Variants in ADGRL4 observed in about 807,000 individuals in gnomAD.
ADGRL4 encodes the protein adhesion G protein-coupled receptor L4.
In ADGRL4, 90 loss-of-function variants were observed where a neutral mutation model predicts 74.8. The observed-to-expected ratio is 1.20, with a 90% CI of 1.02 to 1.43. The LOEUF is 1.43. Ranked by LOEUF, ADGRL4 falls within the 40% of genes most tolerant of loss-of-function variation. ADGRL4 has a pLI of 0.00. For synonymous variants in ADGRL4, 311 were observed against 279.2 expected, an observed-to-expected ratio of 1.11 and a Z score of -1.14; for missense variants, 881 against 814.3, an observed-to-expected ratio of 1.08 and a Z score of -1.00.
At position 79,006,727 on chromosome 1, in the gene ADGRL4, C is replaced by A. The variant is rs947401873; in HGVS notation, c.-73G>T. On this transcript the variant is annotated 5_prime_UTR_variant, in exon 1 of 15. Transcript: ENST00000370742. Reference sequence around the variant, plus strand: ...GTGCGGCTGTGGACCCGGGACCGGGCGCCGCTGGGCGGGCGCGGCAGGGTC... The same window carrying A: ...GTGCGGCTGTGGACCCGGGACCGGGAGCCGCTGGGCGGGCGCGGCAGGGTC... 10 of 1,388,002 alleles carry A rather than the reference C, an allele frequency of 7.2e-6. No homozygotes were observed. The highest frequency in any genetic ancestry group is 8.4e-6 in the Non-Finnish European group (9 of 1,068,986). The allele number at this position is 1,388,002 out of a possible 1,614,324, so 86.0% of individuals were successfully genotyped here.
At chr1:78,945,177 A>AAATATATAT (rs376405445) in intron 3 of ADGRL4, among the ~76,000 whole-genome samples, 3 of 127,936 alleles carry the variant, frequency 2.3e-5, no homozygotes, top group Non-Finnish European at 3.2e-5. Context: ...AAAAAAAAAA[A>AAATATATAT]ATATATATAT....
chr1:78,896,689 A>G (rs1648407151), intron 12 of ADGRL4, among the ~76,000 whole-genome samples: 1 of 152,000 alleles, frequency 6.6e-6, no homozygotes, highest in Non-Finnish European at 1.5e-5. Context: ...CCTATAATCT[A>G]TCTCATAATA....
chr1:78,947,501 C>G (rs1037766003), intron 2 of ADGRL4, among the ~76,000 whole-genome samples: 2 of 152,138 alleles, frequency 1.3e-5, no homozygotes, highest in African/African-American at 4.8e-5. Flanking sequence ...GTTTTTGAAG[C>G]AGCATGGTTC....
At chr1:78,910,377 T>C (rs369117395) in intron 12 of ADGRL4, among the ~76,000 whole-genome samples, 15 of 151,834 alleles carry the variant, frequency 9.9e-5, no homozygotes, top group African/African-American at 3.6e-4. Context: ...AGTGGAGTTC[T>C]GGTCAGATTT....
intron 2 of ADGRL4, among the ~76,000 whole-genome samples, chr1:78,991,843 G>T (rs1025121602): frequency 1.3e-5 from 2 of 151,936 alleles, no homozygotes; most frequent in Admixed American, 6.6e-5. Flanking sequence ...TAACTTGCTA[G>T]TACGGTGTGA....
chr1:78,944,014 G>A (rs1167255702), intron 3 of ADGRL4, among the ~76,000 whole-genome samples: 2 of 152,088 alleles, frequency 1.3e-5, no homozygotes, highest in African/African-American at 4.8e-5. Context: ...TCAAGAGAAA[G>A]AGTCTTCAAT....
intron 12 of ADGRL4, among the ~76,000 whole-genome samples, chr1:78,912,908 G>T (rs1324031485): frequency 1.3e-5 from 2 of 151,680 alleles, no homozygotes; most frequent in East Asian, 3.9e-4. Flanking sequence ...TCTAATTCCA[G>T]AACTATAAGG....
chr1:78,964,293 G>C (rs1650012772), intron 2 of ADGRL4, among the ~76,000 whole-genome samples: 1 of 152,186 alleles, frequency 6.6e-6, no homozygotes, highest in South Asian at 2.1e-4. Flanking sequence ...TTCTAGCTCA[G>C]AGTATGCAGT....
intron 8 of ADGRL4, 150 bp downstream of exon 8, chr1:78,926,736 A>T (rs1649121721): frequency 3.5e-6 from 2 of 573,342 alleles, no homozygotes; most frequent in Non-Finnish European, 6.0e-6. Flanking sequence ...AATATTTTAT[A>T]CAAAAATTAG....
Position 78,969,336 on chromosome 1 carries a change from C to A in ADGRL4, c.173-22910G>T, listed in dbSNP as rs116553236. Among the ~76,000 whole-genome samples, 430 of 152,258 alleles carry A rather than the reference C, an allele frequency of 2.8e-3. 2 individuals carry two copies. The highest frequency in any genetic ancestry group is 9.7e-3 in the African/African-American group (405 of 41,546). On this transcript the variant is annotated intron_variant, in intron 2 of 14. Transcript: ENST00000370742. ...GAAGGGTATGTTTCCTTTTAAGAGG[C>A]CAAGTTCAACTTGCAGAGCTGATAA...
intron 2 of ADGRL4, among the ~76,000 whole-genome samples, chr1:78,949,289 G>A (rs1413045158): frequency 1.3e-5 from 2 of 152,048 alleles, no homozygotes. Context: ...ATTGTTACTA[G>A]TCTTGGGTAA....
chr1:78,974,307 T>C (rs1650235715), intron 2 of ADGRL4, among the ~76,000 whole-genome samples: 1 of 152,176 alleles, frequency 6.6e-6, no homozygotes, highest in Non-Finnish European at 1.5e-5. Context: ...AATAGTACTA[T>C]GGTCTATCTT....
At chr1:78,909,677 G>C (rs1260750796) in intron 12 of ADGRL4, among the ~76,000 whole-genome samples, 2 of 151,812 alleles carry the variant, frequency 1.3e-5, no homozygotes, top group Non-Finnish European at 2.9e-5. Context: ...AGAAGTGTCA[G>C]AAAGAGAACA....
At chr1:78,989,264 A>G (rs1211385458) in intron 2 of ADGRL4, among the ~76,000 whole-genome samples, 1 of 151,702 alleles carries the variant, frequency 6.6e-6, no homozygotes, top group Non-Finnish European at 1.5e-5. Flanking sequence ...CATGCTTTCA[A>G]TGCTAACCAT....
At chr1:78,945,177 A>AAAAAAATATAT (rs376405445) in intron 3 of ADGRL4, among the ~76,000 whole-genome samples, 5 of 127,934 alleles carry the variant, frequency 3.9e-5, no homozygotes, top group African/African-American at 1.5e-4. Context: ...AAAAAAAAAA[A>AAAAAAATATAT]ATATATATAT....
At chr1:78,920,738 A>G (rs2100672245) in intron 9 of ADGRL4, among the ~76,000 whole-genome samples, 1 of 152,012 alleles carries the variant, frequency 6.6e-6, no homozygotes, top group South Asian at 2.1e-4. Context: ...ATTAAAACAG[A>G]TTTATCAGTG....
chr1:78,906,385 A>G (rs1648635746), intron 12 of ADGRL4, among the ~76,000 whole-genome samples: 1 of 151,978 alleles, frequency 6.6e-6, no homozygotes, highest in Non-Finnish European at 1.5e-5. Context: ...ATAATTTACT[A>G]GTCTCAAAAA....
chr1:78,921,930 G>A (rs1407216505), intron 8 of ADGRL4, 144 bp from the exon 9 acceptor site: 1 of 431,802 alleles, frequency 2.3e-6, no homozygotes, highest in Non-Finnish European at 4.0e-6. Flanking sequence ...AGGCTGCTAT[G>A]TGGCAGAATG....
Position 79,006,670 on chromosome 1 carries a change from T to TGGTGGC in ADGRL4, c.-22_-17dup, listed in dbSNP as rs1650969721. 21 of 1,491,606 alleles carry TGGTGGC rather than the reference T, an allele frequency of 1.4e-5. 1 individual carries two copies. The highest frequency in any genetic ancestry group is 1.8e-5 in the Non-Finnish European group (20 of 1,122,526). The allele number at this position is 1,491,606 out of a possible 1,614,324, so 92.4% of individuals were successfully genotyped here. ...GGCGTTTCATTGGCGGTGGCCGCAG[T>TGGTGGC]GGTGGCGGTGGCGGAGAGCGCGGCG... is the stretch of plus-strand genomic sequence containing the variant. On this transcript the variant is annotated 5_prime_UTR_variant, in exon 1 of 15. Coordinates refer to ENST00000370742, the MANE Select transcript of ADGRL4 (RefSeq NM_022159.4).
Sources: allele counts gnomAD v4.1 joint callset (sites outside exome capture counted in the v4.1 genomes callset), GRCh38; gene constraint gnomAD v4.1.1; transcripts MANE v1.5; gene names NCBI Gene and HGNC (gene_info 2026-07-23, HGNC 2026-07-21).